The following PCNX1 variants were observed in gnomAD, a reference collection of about 807,000 sequenced individuals.
PCNX1 encodes pecanex-like protein 1.
In PCNX1, 78 loss-of-function variants were observed where a neutral mutation model predicts 242.2. The observed-to-expected ratio is 0.32, with a 90% CI of 0.27 to 0.39. The LOEUF (loss-of-function observed/expected upper bound fraction) is 0.39, where lower values mean the gene tolerates loss of function less well. Ranked by LOEUF, PCNX1 falls within the 10% of genes least tolerant of loss-of-function variation. PCNX1 has a pLI of 1.00. For missense variants in PCNX1, 2,581 were observed against 2,856.5 expected (o/e 0.90, Z 2.20); for synonymous variants, 1,024 against 1,032.9 (o/e 0.99, Z 0.17).
chr14:70,929,429 C>G (rs756479822), intron 1 of PCNX1, among the ~76,000 whole-genome samples: 2 of 152,138 alleles, frequency 1.3e-5, no homozygotes, highest in Non-Finnish European at 2.9e-5. Context: ...TGCCCAGTTA[C>G]TGTTTTTCAT....
At chr14:71,102,390 C>T (rs539194991) in intron 31 of PCNX1, among the ~76,000 whole-genome samples, 170 bp downstream of exon 31, 1 of 151,972 alleles carries the variant, frequency 6.6e-6, no homozygotes, top group African/African-American at 2.4e-5. Context: ...CTCAGCCTAT[C>T]GAGAAGCTGG....
At chr14:70,993,363 T>C (rs1176224049) in intron 7 of PCNX1, among the ~76,000 whole-genome samples, 7 of 151,948 alleles carry the variant, frequency 4.6e-5, no homozygotes, top group Non-Finnish European at 1.0e-4. Flanking sequence ...CTCCTGACCT[T>C]GTGATCCACC....
chr14:71,013,562 G>GTTTTTTTTTTTTTTTTTTTTT (rs2059879932), intron 11 of PCNX1, among the ~76,000 whole-genome samples: 2 of 145,564 alleles, frequency 1.4e-5, no homozygotes, highest in Non-Finnish European at 3.1e-5. Flanking sequence ...TGTTTCCCTG[G>GTTTTTTTTTTTTTTTTTTTTT]TTCTTAACAC....
intron 5 of PCNX1, among the ~76,000 whole-genome samples, chr14:70,971,853 T>C (rs931837473): frequency 1.4e-4 from 22 of 152,198 alleles, no homozygotes; most frequent in African/African-American, 5.3e-4. Context: ...AGAAATATTG[T>C]GGCTGGCTCA....
At chr14:71,097,495 T>A (rs2062323713) in intron 30 of PCNX1, among the ~76,000 whole-genome samples, 1 of 152,210 alleles carries the variant, frequency 6.6e-6, no homozygotes, top group African/African-American at 2.4e-5. Flanking sequence ...TAATAGTAAT[T>A]CTGACTGGTG....
intron 24 of PCNX1, chr14:71,053,403 C>T (rs938883398): frequency 9.8e-5 from 39 of 398,252 alleles, no homozygotes; most frequent in African/African-American, 6.8e-4. Context: ...CTGCAACCTC[C>T]GCCTCCCAGG....
chr14:71,073,587 G>A lies in PCNX1; in HGVS notation c.4895G>A (p.Gly1632Asp). The change falls in exon 27 of 36, where the codon GGT becomes GAT. Residue 1632 changes from glycine to aspartate, a missense_variant. Gly to Asp is a moderately conservative substitution (Grantham distance 94). Around this residue, in one of 9 missense-constraint regions of PCNX1, gnomAD observed 298 missense variants for 480.1 expected, o/e 0.62. Transcript: ENST00000304743. Reference protein sequence around the residue: ...QQREVEAITEGVEEDEGFCCC... With the variant: ...QQREVEAITEDVEEDEGFCCC... ...CGGGAAGTGGAGGCCATTACTGAAG[G>A]TGTAGAGGAAGATGAAGGATTTTGC... 1 of 1,613,764 alleles carries A rather than the reference G, an allele frequency of 6.2e-7. No individual in the cohort carries two copies. The highest frequency in any genetic ancestry group is 8.5e-7 in the Non-Finnish European group (1 of 1,179,768).
At chr14:70,937,032 A>G (rs1191655043) in intron 1 of PCNX1, among the ~76,000 whole-genome samples, 4 of 105,592 alleles carry the variant, frequency 3.8e-5, no homozygotes, top group Admixed American at 1.7e-4. Context: ...TCTGGATATT[A>G]GCCCTTTGTC....
intron 6 of PCNX1, among the ~76,000 whole-genome samples, chr14:70,982,226 A>G (rs958975943): frequency 1.3e-5 from 2 of 152,210 alleles, no homozygotes; most frequent in Non-Finnish European, 2.9e-5. Context: ...TTTGTACTTT[A>G]CTAAATAGAA....
At chr14:71,046,078 A>C (rs570388881) in intron 20 of PCNX1, among the ~76,000 whole-genome samples, 1 of 152,202 alleles carries the variant, frequency 6.6e-6, no homozygotes, top group Admixed American at 6.5e-5. Context: ...CTGTAGAGTA[A>C]ATCATTCAGT....
At chr14:71,063,253 T>A (rs999811673) in intron 26 of PCNX1, among the ~76,000 whole-genome samples, 1 of 152,208 alleles carries the variant, frequency 6.6e-6, no homozygotes, top group East Asian at 1.9e-4. Flanking sequence ...TTGCATATTC[T>A]TCTTTGTTGT....
chr14:70,956,442 C>G (rs1268737236), intron 2 of PCNX1, among the ~76,000 whole-genome samples: 2 of 151,890 alleles, frequency 1.3e-5, no homozygotes, highest in African/African-American at 4.8e-5. Flanking sequence ...TGTAGCAGCC[C>G]CAGCTACTCA....
Position 71,110,216 on chromosome 14 carries a change from G to T in PCNX1, c.*281G>T. The T allele has an allele frequency of 2.4e-6, 1 of 421,024 alleles. No individual in the cohort carries two copies. Among genetic ancestry groups the T allele is most frequent in the South Asian group, 2.3e-5 (1 of 42,846 alleles). 26.1% of individuals were successfully genotyped at this position (421,024 alleles called of 1,614,324 possible). ...CTGTTAAAATACATCCTTAAAAAAA[G>T]TTTTTCCTATGCATTGCCTATGCTT... On this transcript the variant is annotated 3_prime_UTR_variant, in exon 36 of 36. Coordinates refer to ENST00000304743, the MANE Select transcript of PCNX1 (RefSeq NM_014982.3).
At chr14:71,099,464 GA>G (rs1424578794) in intron 30 of PCNX1, among the ~76,000 whole-genome samples, 4 of 151,550 alleles carry the variant, frequency 2.6e-5, no homozygotes, top group Non-Finnish European at 5.9e-5. Flanking sequence ...GGCCTATTTT[GA>G]TTTTTTAATT....
intron 28 of PCNX1, among the ~76,000 whole-genome samples, chr14:71,081,010 AT>A (rs1436734741): frequency 2.0e-5 from 3 of 152,266 alleles, no homozygotes; most frequent in Middle Eastern, 6.8e-3. Context: ...TGGGTTTGTC[AT>A]AAATAGCTCT....
chr14:70,909,848 G>A (rs1566807889), intron 1 of PCNX1, among the ~76,000 whole-genome samples: 1 of 152,084 alleles, frequency 6.6e-6, no homozygotes, highest in Non-Finnish European at 1.5e-5. Flanking sequence ...AAGGTGCTGA[G>A]CTGTTCTTAA....
intron 26 of PCNX1, among the ~76,000 whole-genome samples, chr14:71,068,485 C>T (rs191053559): frequency 1.1e-3 from 169 of 147,570 alleles, no homozygotes; most frequent in Non-Finnish European, 1.7e-3. Flanking sequence ...CATATGTATA[C>T]ACACACACAT....
At chr14:70,908,075 C>G in intron 1 of PCNX1, 72 bp downstream of exon 1, 1 of 1,410,062 alleles carries the variant, frequency 7.1e-7, no homozygotes, top group Non-Finnish European at 9.4e-7. Context: ...GTCGCGCCCT[C>G]TTCCTCTTCC....
At chr14:70,910,030 TCCC>T (rs2055757560) in intron 1 of PCNX1, among the ~76,000 whole-genome samples, 1 of 10,142 alleles carries the variant, frequency 9.9e-5, no homozygotes, top group Non-Finnish European at 2.6e-4. Flanking sequence ...CGACGACTCC[TCCC>T]TCCTCCTCCT....
Sources: allele counts gnomAD v4.1 joint callset (sites outside exome capture counted in the v4.1 genomes callset), GRCh38; gene constraint gnomAD v4.1.1; regional missense constraint gnomAD v4.1.1; transcripts MANE v1.5; gene names NCBI Gene and HGNC (gene_info 2026-07-23, HGNC 2026-07-21).